R3HDM2: variants seen among roughly 807,000 people sequenced by gnomAD.
The protein encoded by R3HDM2 is R3H domain containing 2, also known as R3H domain-containing protein 2.
In R3HDM2, 38 loss-of-function variants were observed where a neutral mutation model predicts 124.5. The observed-to-expected ratio is 0.31, with a 90% CI of 0.24 to 0.40. The LOEUF (loss-of-function observed/expected upper bound fraction) is 0.40, where lower values mean the gene tolerates loss of function less well. Among genes scored for constraint, R3HDM2 ranks in the 10% least tolerant of loss-of-function variants. The pLI is 1.00. For synonymous variants in R3HDM2, 391 were observed against 448.0 expected (o/e 0.87, Z 1.61); for missense variants, 869 against 1,236.9 (o/e 0.70, Z 4.46).
At chr12:57,360,044 TATA>T (rs1186611686) in intron 2 of R3HDM2, among the ~76,000 whole-genome samples, 98 of 71,834 alleles carry the variant, frequency 1.4e-3, no homozygotes, top group African/African-American at 3.9e-3. Flanking sequence ...TATATATATA[TATA>T]TTTTTTTTTT....
chr12:57,281,287 C>CAAAA (rs71084737), intron 13 of R3HDM2, among the ~76,000 whole-genome samples: 5 of 81,958 alleles, frequency 6.1e-5, no homozygotes, highest in East Asian at 3.6e-4. Context: ...GACTCGGTCT[C>CAAAA]AAAAAAAAAA....
chr12:57,412,980 CCT>C (rs1319428105), intron 1 of R3HDM2, among the ~76,000 whole-genome samples: 1 of 151,854 alleles, frequency 6.6e-6, no homozygotes, highest in Non-Finnish European at 1.5e-5. Context: ...TGAAACCCCG[CCT>C]CTACTAAAAA....
At chr12:57,295,261 A>G (rs1266365275) in intron 10 of R3HDM2, 138 bp downstream of exon 10, 1 of 641,280 alleles carries the variant, frequency 1.6e-6, no homozygotes, top group African/African-American at 1.8e-5. Flanking sequence ...ATTAAGCCAA[A>G]GCCAACTCCG....
intron 3 of R3HDM2, among the ~76,000 whole-genome samples, chr12:57,306,895 G>A (rs2052724027): frequency 6.6e-6 from 1 of 152,082 alleles, no homozygotes; most frequent in Non-Finnish European, 1.5e-5. Context: ...CGCATCTGTA[G>A]TCCCAGCTAC....
chr12:57,386,898 T>C (rs2065917005), intron 2 of R3HDM2, among the ~76,000 whole-genome samples: 1 of 152,178 alleles, frequency 6.6e-6, no homozygotes, highest in African/African-American at 2.4e-5. Context: ...CTAGTTAATC[T>C]GGTGGGGACT....
At chr12:57,360,247 C>T (rs1182445203) in intron 2 of R3HDM2, among the ~76,000 whole-genome samples, 1 of 151,152 alleles carries the variant, frequency 6.6e-6, no homozygotes, top group Non-Finnish European at 1.5e-5. Flanking sequence ...AGGCTGGTCT[C>T]GAACTCCGGA....
intron 2 of R3HDM2, among the ~76,000 whole-genome samples, chr12:57,377,449 T>TG (rs1250330220): frequency 6.6e-6 from 1 of 152,084 alleles, no homozygotes; most frequent in Non-Finnish European, 1.5e-5. Context: ...TGAGGAGTCA[T>TG]GAAGAGATAA....
At chr12:57,393,814 C>T (rs1036586162) in intron 2 of R3HDM2, among the ~76,000 whole-genome samples, 2 of 152,194 alleles carry the variant, frequency 1.3e-5, no homozygotes, top group Non-Finnish European at 1.5e-5. Flanking sequence ...GAAAGCGGCA[C>T]AAGTGTCTTA....
intron 2 of R3HDM2, among the ~76,000 whole-genome samples, chr12:57,346,139 A>G (rs916324744): frequency 6.7e-6 from 1 of 149,812 alleles, no homozygotes; most frequent in African/African-American, 2.5e-5. Context: ...CCTGGGCAAC[A>G]AGAGCAAAAC....
chr12:57,390,887 C>T (rs2066569809), intron 2 of R3HDM2, among the ~76,000 whole-genome samples: 1 of 151,882 alleles, frequency 6.6e-6, no homozygotes, highest in Admixed American at 6.6e-5. Context: ...TGGTGGTTGC[C>T]TGTGATCCCA....
intron 2 of R3HDM2, among the ~76,000 whole-genome samples, chr12:57,362,025 C>CG (rs774442466): frequency 3.3e-4 from 50 of 152,036 alleles, no homozygotes; most frequent in Non-Finnish European, 6.3e-4. Context: ...CCCAGCTACT[C>CG]GGAGGCTGAG....
intron 7 of R3HDM2, 58 bp downstream of exon 7, chr12:57,298,032 C>T: frequency 3.1e-6 from 4 of 1,293,272 alleles, no homozygotes; most frequent in Non-Finnish European, 4.4e-6. Flanking sequence ...GCCGTTTGGC[C>T]TCTTGGAATC....
At chr12:57,281,122 A>G (rs2046012523) in intron 13 of R3HDM2, among the ~76,000 whole-genome samples, 1 of 151,946 alleles carries the variant, frequency 6.6e-6, no homozygotes. Context: ...CTCCGTCTCT[A>G]CTGAAAATAT....
intron 11 of R3HDM2, among the ~76,000 whole-genome samples, chr12:57,291,176 A>G (rs2048496453): frequency 1.3e-5 from 2 of 152,070 alleles, no homozygotes; most frequent in Non-Finnish European, 2.9e-5. Context: ...GTTCCCAGTG[A>G]GGATCTCTGA....
chr12:57,266,642 T>C, intron 19 of R3HDM2, 89 bp downstream of exon 19: 1 of 1,052,302 alleles, frequency 9.5e-7, no homozygotes, highest in Non-Finnish European at 1.4e-6. Flanking sequence ...ACCTGAACTC[T>C]TTTTGCCCTT....
intron 1 of R3HDM2, among the ~76,000 whole-genome samples, chr12:57,425,529 G>C (rs185132982): frequency 6.2e-4 from 95 of 152,270 alleles, no homozygotes; most frequent in African/African-American, 1.7e-3. Flanking sequence ...GCCGGGCGTA[G>C]CAGCTCACAA....
chr12:57,257,949 A>C, intron 21 of R3HDM2, 41 bp downstream of exon 21: 1 of 1,427,264 alleles, frequency 7.0e-7, no homozygotes, highest in Non-Finnish European at 9.3e-7. Flanking sequence ...GGGATGTGAA[A>C]GGTGAATTCC....
chr12:57,313,559 G>A, intron 2 of R3HDM2, among the ~76,000 whole-genome samples: 1 of 15,528 alleles, frequency 6.4e-5, no homozygotes, highest in Middle Eastern at 0.023. Flanking sequence ...GTAAGACCTT[G>A]TCTCAAAAAA....
intron 3 of R3HDM2, among the ~76,000 whole-genome samples, chr12:57,308,552 G>A (rs2053243732): frequency 6.6e-6 from 1 of 151,786 alleles, no homozygotes; most frequent in Non-Finnish European, 1.5e-5. Flanking sequence ...CGGGTGTCGT[G>A]GCGGGCGCCT....
Sources: allele counts gnomAD v4.1 joint callset (sites outside exome capture counted in the v4.1 genomes callset), GRCh38; gene constraint gnomAD v4.1.1; transcripts MANE v1.5; gene names NCBI Gene and HGNC (gene_info 2026-07-23, HGNC 2026-07-21).